The following MICA variants were observed in gnomAD, a reference collection of about 807,000 sequenced individuals.
The protein encoded by MICA is HLA class I antigen.
In MICA, 18 loss-of-function variants were observed where a neutral mutation model predicts 34.3. The ratio of observed to expected loss-of-function variants is 0.52; its 90% confidence interval spans 0.36 to 0.78. The LOEUF (loss-of-function observed/expected upper bound fraction) is 0.78, where lower values mean the gene tolerates loss of function less well. Among genes scored for constraint, MICA ranks in the 30% least tolerant of loss-of-function variants. MICA has a pLI of 0.00. For missense variants in MICA, 333 were observed against 409.4 expected (o/e 0.81, Z 1.61); for synonymous variants, 135 against 156.9 (o/e 0.86, Z 1.04).
At chr6:31,407,098 A>G (rs1318131088) in intron 1 of MICA, among the ~76,000 whole-genome samples, 1 of 151,832 alleles carries the variant, frequency 6.6e-6, no homozygotes, top group Non-Finnish European at 1.5e-5. Context: ...GAATGTCATT[A>G]GTGTTTTGAT....
upstream of MICA, among the ~76,000 whole-genome samples, chr6:31,403,292 G>A (rs1186418549): frequency 6.6e-6 from 1 of 151,814 alleles, no homozygotes; most frequent in Non-Finnish European, 1.5e-5. This position sits in a 1 kb window ranked among gnomAD's most constrained non-coding sequence, Gnocchi z 4.7. Context: ...GGGATGGGTG[G>A]TCGCGATGCC....
intron 5 of MICA, 38 bp from the exon 6 acceptor site, chr6:31,414,974 C>T (rs1204820821): frequency 2.1e-6 from 3 of 1,451,272 alleles, no homozygotes; most frequent in Non-Finnish European, 2.9e-6. Flanking sequence ...CAACACTGCA[C>T]CCAGTGGAGC....
chr6:31,403,690 G>A lies in MICA; in HGVS notation c.58G>A (p.Gly20Arg). 11 of 1,533,834 alleles carry A rather than the reference G, an allele frequency of 7.2e-6. No individual in the cohort carries two copies. The highest frequency in any genetic ancestry group is 9.6e-6 in the Non-Finnish European group (11 of 1,141,036). The change falls in exon 1 of 6, where the codon GGA (glycine) becomes AGA (arginine). Residue 20 changes from glycine (G) to arginine (R), a missense_variant. Gly to Arg is a moderately radical substitution (Grantham distance 125). Coordinates refer to ENST00000449934, the MANE Select transcript of MICA (RefSeq NM_001177519.3). The surrounding 1 kb of genome is among the most constrained non-coding windows in gnomAD (Gnocchi z 4.7). ...LAGIFPFAPPGAAAEPHSLRY... is the reference protein window; with the variant it reads ...LAGIFPFAPPRAAAEPHSLRY... ...TGGCATCTTCCCTTTTGCACCTCCGGGAGCTGCTGCTGGTGAGTGGCGTTC... is the reference window on the plus strand; with the variant it reads ...TGGCATCTTCCCTTTTGCACCTCCGAGAGCTGCTGCTGGTGAGTGGCGTTC...
intron 5 of MICA, among the ~76,000 whole-genome samples, chr6:31,413,401 C>A (rs1771319039): frequency 6.6e-6 from 1 of 151,916 alleles, no homozygotes; most frequent in African/African-American, 2.4e-5. Context: ...GAGCCAATTT[C>A]CCTTTCTAAA....
At position 31,415,267 on chromosome 6, in the gene MICA, G is replaced by C; in HGVS notation, c.*285G>C. Reference sequence around the variant, plus strand: ...AAGCACTTATTTATTGTTGTTGGAGGCTGCAAAATGTTAGTAGATATGAGG... The same window carrying C: ...AAGCACTTATTTATTGTTGTTGGAGCCTGCAAAATGTTAGTAGATATGAGG... On this transcript the variant is annotated 3_prime_UTR_variant, in exon 6 of 6. Coordinates refer to ENST00000449934, the MANE Select transcript of MICA (RefSeq NM_001177519.3). The C allele has an allele frequency of 1.9e-6, 1 of 535,588 alleles. No homozygotes were observed. The highest frequency in any genetic ancestry group is 3.4e-6 in the Non-Finnish European group (1 of 295,470). 33.2% of individuals were successfully genotyped at this position (535,588 alleles called of 1,614,324 possible).
intron 5 of MICA, 64 bp from the exon 6 acceptor site, chr6:31,414,948 C>T: frequency 7.5e-7 from 1 of 1,327,182 alleles, no homozygotes; most frequent in Non-Finnish European, 1.1e-6. Context: ...AGAGAAAAGT[C>T]CCCAGGGAAT....
In MICA at chr6:31,411,479, A is replaced by G. The variant is rs1306471633; in HGVS notation, c.613+120A>G. The G allele has an allele frequency of 1.5e-5, 15 of 1,026,022 alleles. No individual in the cohort carries two copies. The highest frequency in any genetic ancestry group is 1.8e-5 in the Non-Finnish European group (13 of 723,286). The allele number at this position is 1,026,022 out of a possible 1,614,324, so 63.6% of individuals were successfully genotyped here. ...GGATGAAGGCATTTCCTGTTGGCAC[A>G]TCGTGTCCTGATTTTCCTCTATTGT... On this transcript the variant is annotated intron_variant, in intron 3 of 5. Coordinates refer to ENST00000449934, the MANE Select transcript of MICA (RefSeq NM_001177519.3). The surrounding 1 kb of genome is among the most constrained non-coding windows in gnomAD (Gnocchi z 4.3).
rs531314573 is a variant in MICA at position 31,411,365 on chromosome 6, G to A, written c.613+6G>A. ...CGTAGTCCTGAGGAGAACAGGTACC[G>A]ACGCTGGCCAGGGGCTCTCCTCTCC... On this transcript the variant is annotated splice_donor_region_variant and intron_variant, in intron 3 of 5. Transcript: ENST00000449934. The surrounding 1 kb of genome is among the most constrained non-coding windows in gnomAD (Gnocchi z 4.3). 15 of 1,551,588 alleles carry A rather than the reference G, an allele frequency of 9.7e-6. No homozygotes were observed. In the African/African-American group the frequency reaches 1.2e-4, roughly 13 times the overall value.
chr6:31,410,897 GC>G, intron 2 of MICA, 100 bp downstream of exon 2: 1 of 1,484,340 alleles, frequency 6.7e-7, no homozygotes, highest in Non-Finnish European at 9.0e-7. Context: ...TCTGGCTCAG[GC>G]TGGGGGTGAG....
intron 2 of MICA, 54 bp downstream of exon 2, chr6:31,410,851 G>A (rs1434477815): frequency 3.3e-6 from 5 of 1,526,162 alleles, no homozygotes; most frequent in South Asian, 1.3e-5. Flanking sequence ...AGAAAAGTTA[G>A]GGGCAGAGAG....
chr6:31,408,515 T>A (rs1165934496), intron 1 of MICA, among the ~76,000 whole-genome samples: 2 of 151,476 alleles, frequency 1.3e-5, no homozygotes, highest in African/African-American at 2.4e-5. Context: ...TCGGTGGCAT[T>A]AGATACATTC....
chr6:31,408,843 A>G (rs146042252), intron 1 of MICA, among the ~76,000 whole-genome samples: 55 of 151,786 alleles, frequency 3.6e-4, no homozygotes, highest in Middle Eastern at 3.4e-3. Context: ...ATCTCTACTA[A>G]AAATAATAAA....
chr6:31,411,324 G>T lies in MICA; in HGVS notation c.578G>T (p.Arg193Leu). ...MHADCLQELRRYLESGVVLRR... is the reference protein window; with the variant it reads ...MHADCLQELRLYLESGVVLRR... ...GCAGACTGCCTGCAGGAACTACGGCGATATCTAGAATCCGGCGTAGTCCTG... is the reference window on the plus strand; with the variant it reads ...GCAGACTGCCTGCAGGAACTACGGCTATATCTAGAATCCGGCGTAGTCCTG... The change falls in exon 3 of 6, where the codon CGA becomes CTA. Residue 193 changes from arginine (R) to leucine (L), a missense_variant. Arg to Leu is a moderately radical substitution (Grantham distance 102). Coordinates refer to ENST00000449934, the MANE Select transcript of MICA (RefSeq NM_001177519.3). This position sits in a 1 kb window ranked among gnomAD's most constrained non-coding sequence, Gnocchi z 4.3. The T allele has an allele frequency of 6.3e-7, 1 of 1,591,776 alleles. No homozygotes were observed. Among genetic ancestry groups the T allele is most frequent in the South Asian group, 1.1e-5 (1 of 87,930 alleles).
In MICA at chr6:31,410,627, A is replaced by G. The variant is rs1438101326; in HGVS notation, c.155A>G (p.Asp52Gly). ...QSGFLAEVHL[D>G]GQPFLRYDRQ... ...GGGTTTCTTGCTGAGGTACATCTGG[A>G]TGGTCAGCCCTTCCTGCGCTATGAC... Residue 52 changes from aspartate to glycine, a missense_variant, in exon 2 of 6, where the codon GAT becomes GGT. By Grantham distance (94) the Asp-to-Gly change is moderately conservative. Transcript: ENST00000449934. 1.9e-6 allele frequency: 3 copies of G among 1,613,412 alleles called. No homozygotes were observed. The Admixed American group carries it at 5.0e-5, about 27-fold the overall frequency.
At position 31,403,847 on chromosome 6, in the gene MICA, C is replaced by A. The variant is rs1770593146; in HGVS notation, c.70+145C>A. On this transcript the variant is annotated intron_variant, in intron 1 of 5. Coordinates refer to ENST00000449934, the MANE Select transcript of MICA (RefSeq NM_001177519.3). This position sits in a 1 kb window ranked among gnomAD's most constrained non-coding sequence, Gnocchi z 4.7. ...GCAGGGAGCTGGACGCGGCCCGTTA[C>A]CGCCACACTTCAGCCCTGCTTCCCC... 1 of 702,584 alleles carries A rather than the reference C, an allele frequency of 1.4e-6. No individual in the cohort carries two copies. Among genetic ancestry groups the A allele is most frequent in the Non-Finnish European group, 2.3e-6 (1 of 439,132 alleles). The allele number at this position is 702,584 out of a possible 1,614,324, so 43.5% of individuals were successfully genotyped here.
chr6:31,410,873 C>A (rs17200242), intron 2 of MICA, 76 bp downstream of exon 2: 342,003 of 1,501,928 alleles, frequency 0.23, 42,650 homozygotes, highest in African/African-American at 0.38. Context: ...AGGGACCTGT[C>A]TCTTCCCACT....
chr6:31,412,108 G>C lies in MICA; in HGVS notation c.775G>C (p.Asp259His). 6.2e-7 allele frequency: 1 copy of C among 1,613,148 alleles called. No homozygotes were observed. Among genetic ancestry groups the C allele is most frequent in the Non-Finnish European group, 8.5e-7 (1 of 1,179,930 alleles). The stretch of plus-strand genomic sequence containing the variant: ...CCAGCAGTGGGGGGATGTCCTGCCT[G>C]ATGGGAATGGAACCTACCAGACCTG... ...DTQQWGDVLP[D>H]GNGTYQTWVA... Residue 259 changes from aspartate (D) to histidine (H), a missense_variant, in exon 4 of 6, where the codon GAT becomes CAT. Asp to His is a moderately conservative substitution (Grantham distance 81, BLOSUM62 -1). Transcript: ENST00000449934.
At chr6:31,403,083 T>C (rs1481430898), upstream of MICA, among the ~76,000 whole-genome samples, 2 of 151,810 alleles carry the variant, frequency 1.3e-5, no homozygotes, top group African/African-American at 4.8e-5. This position sits in a 1 kb window ranked among gnomAD's most constrained non-coding sequence, Gnocchi z 4.7. Context: ...GAGGCAGAGG[T>C]GGCTGAGATC....
chr6:31,411,806 C>T lies in MICA; in HGVS notation c.614-141C>T. 7.6e-7 allele frequency: 1 copy of T among 1,315,162 alleles called. No individual in the cohort carries two copies. The highest frequency in any genetic ancestry group is 1.0e-6 in the Non-Finnish European group (1 of 985,040). 81.5% of individuals were successfully genotyped at this position (1,315,162 alleles called of 1,614,324 possible). A position where few individuals can be genotyped will look rare whatever the true frequency, so the allele number is the denominator to read the frequency against. ...CTCCTGCCAGCCTGGAAGAACTGGGCCCCAGAGTGAGGACAGACTTGCAGG... is the reference window on the plus strand; with the variant it reads ...CTCCTGCCAGCCTGGAAGAACTGGGTCCCAGAGTGAGGACAGACTTGCAGG... On this transcript the variant is annotated intron_variant, in intron 3 of 5. Coordinates refer to ENST00000449934, the MANE Select transcript of MICA (RefSeq NM_001177519.3). This position sits in a 1 kb window ranked among gnomAD's most constrained non-coding sequence, Gnocchi z 4.3.
Sources: allele counts gnomAD v4.1 joint callset (sites outside exome capture counted in the v4.1 genomes callset), GRCh38; gene constraint gnomAD v4.1.1; non-coding constraint Gnocchi (gnomAD v3.1); transcripts MANE v1.5; gene names NCBI Gene and HGNC (gene_info 2026-07-23, HGNC 2026-07-21).